Variants in DOCK3 observed in about 807,000 individuals in gnomAD.
DOCK3 encodes dedicator of cytokinesis 3, also known as dedicator of cytokinesis protein 3.
In DOCK3, 60 loss-of-function variants were observed where a neutral mutation model predicts 265.6. The ratio of observed to expected loss-of-function variants is 0.23; its 90% CI spans 0.18 to 0.28. The LOEUF (loss-of-function observed/expected upper bound fraction) is 0.28. DOCK3 is among the 10% of genes least tolerant of loss of function. The probability of loss-of-function intolerance (pLI) is 1.00; values close to 1 mark genes in which losing one functional copy is unlikely to be tolerated. For missense variants in DOCK3, 1,981 were observed against 2,594.3 expected, an observed-to-expected ratio of 0.76 and a Z score of 5.14; for synonymous variants, 881 against 938.0, an observed-to-expected ratio of 0.94 and a Z score of 1.11.
intron 1 of DOCK3, among the ~76,000 whole-genome samples, chr3:50,734,476 T>G (rs190932240): frequency 2.4e-3 from 366 of 152,280 alleles, no homozygotes; most frequent in Non-Finnish European, 4.0e-3. Context: ...CACTCCAGCC[T>G]GGGCAACAGA....
intron 27 of DOCK3, among the ~76,000 whole-genome samples, chr3:51,291,936 G>A (rs986857643): frequency 6.6e-6 from 1 of 152,068 alleles, no homozygotes; most frequent in African/African-American, 2.4e-5. Context: ...TACAAGGTTG[G>A]TTCAACATAC....
At chr3:51,087,438 T>C (rs549560170) in intron 7 of DOCK3, among the ~76,000 whole-genome samples, 1 of 152,282 alleles carries the variant, frequency 6.6e-6, no homozygotes, top group African/African-American at 2.4e-5. Flanking sequence ...TTTAACATCT[T>C]TTCCTGTTAA....
chr3:50,866,474 A>G (rs1245372955), intron 3 of DOCK3, among the ~76,000 whole-genome samples: 4 of 81,098 alleles, frequency 4.9e-5, no homozygotes, highest in Admixed American at 4.7e-4. Flanking sequence ...ACAAAGCGAG[A>G]CTCTTTTTTT....
At chr3:50,681,356 G>A (rs1339405111) in intron 1 of DOCK3, among the ~76,000 whole-genome samples, 1 of 151,992 alleles carries the variant, frequency 6.6e-6, no homozygotes, top group East Asian at 1.9e-4. Flanking sequence ...TTTGTATTTT[G>A]AATTTTTTAA....
At chr3:51,242,444 C>G (rs566329667) in intron 21 of DOCK3, among the ~76,000 whole-genome samples, 7 of 152,278 alleles carry the variant, frequency 4.6e-5, no homozygotes, top group African/African-American at 1.7e-4. Context: ...GCAGAGTCAC[C>G]TGTGGCAGAG....
intron 1 of DOCK3, chr3:50,719,642 A>T: frequency 1.3e-6 from 2 of 1,569,810 alleles, no homozygotes; most frequent in Admixed American, 3.3e-5. Context: ...TGCAGATGAA[A>T]AACTGGGAAC....
At chr3:50,726,388 A>C (rs1213918866) in intron 1 of DOCK3, among the ~76,000 whole-genome samples, 1 of 152,180 alleles carries the variant, frequency 6.6e-6, no homozygotes, top group Non-Finnish European at 1.5e-5. Context: ...AGGACTTTGT[A>C]AAGTGTATAT....
At chr3:51,109,362 A>G (rs4927983) in intron 9 of DOCK3, among the ~76,000 whole-genome samples, 137,111 of 152,148 alleles carry the variant, frequency 0.9, 61,976 homozygotes, top group African/African-American at 0.95. Flanking sequence ...TCTCTGGAAC[A>G]CAGCTAAGAC....
At chr3:50,723,368 A>G (rs966926750) in intron 1 of DOCK3, among the ~76,000 whole-genome samples, 7 of 152,216 alleles carry the variant, frequency 4.6e-5, no homozygotes, top group Non-Finnish European at 8.8e-5. Flanking sequence ...AATAAAAGAA[A>G]TAATTCAAAA....
chr3:50,928,758 A>G (rs1453429801), intron 4 of DOCK3, among the ~76,000 whole-genome samples: 8 of 152,210 alleles, frequency 5.3e-5, no homozygotes, highest in Admixed American at 5.2e-4. Flanking sequence ...TTATCTGAAA[A>G]GAATTTACAG....
intron 1 of DOCK3, among the ~76,000 whole-genome samples, chr3:50,754,619 G>C (rs2040045087): frequency 6.6e-6 from 1 of 150,576 alleles, no homozygotes; most frequent in African/African-American, 2.5e-5. Flanking sequence ...GGGTGCAATG[G>C]TGTGATCTTG....
chr3:50,970,723 G>A (rs566056044), intron 5 of DOCK3, among the ~76,000 whole-genome samples: 208 of 137,544 alleles, frequency 1.5e-3, no homozygotes, highest in Non-Finnish European at 2.6e-3. Context: ...AGATCTCATT[G>A]AGCCTTTTTT....
chr3:50,788,991 G>A (rs2042331499), intron 2 of DOCK3, among the ~76,000 whole-genome samples: 1 of 151,920 alleles, frequency 6.6e-6, no homozygotes, highest in African/African-American at 2.4e-5. Context: ...ATTTAGTTCT[G>A]CTCTGATCTT....
chr3:50,915,755 G>A (rs2050084878), intron 4 of DOCK3, among the ~76,000 whole-genome samples: 1 of 151,920 alleles, frequency 6.6e-6, no homozygotes, highest in Admixed American at 6.6e-5. Context: ...GATGGCCAAG[G>A]CACTATTTTG....
chr3:50,937,393 G>A (rs941543172), intron 5 of DOCK3, among the ~76,000 whole-genome samples: 6 of 151,866 alleles, frequency 4.0e-5, no homozygotes, highest in African/African-American at 7.3e-5. Flanking sequence ...GGTGGCTCAC[G>A]CCTGTAATCC....
chr3:51,044,223 TATACC>T (rs1289614350), intron 5 of DOCK3, among the ~76,000 whole-genome samples: 9 of 152,310 alleles, frequency 5.9e-5, no homozygotes, highest in South Asian at 2.1e-4. Context: ...GTGGTGCATA[TATACC>T]GTGGAATACT....
At chr3:50,798,443 T>C (rs1484094194) in intron 2 of DOCK3, among the ~76,000 whole-genome samples, 2 of 152,160 alleles carry the variant, frequency 1.3e-5, no homozygotes, top group African/African-American at 4.8e-5. Context: ...AATGAGATCA[T>C]CCCACCTGCA....
intron 32 of DOCK3, among the ~76,000 whole-genome samples, chr3:51,319,333 C>T (rs1445807210): frequency 6.6e-6 from 1 of 150,900 alleles, no homozygotes; most frequent in African/African-American, 2.4e-5. Flanking sequence ...AAAAAAGGAA[C>T]TGTTACTTTT....
chr3:51,251,287 G>C (rs904661024), intron 22 of DOCK3, among the ~76,000 whole-genome samples: 2 of 152,136 alleles, frequency 1.3e-5, no homozygotes, highest in Non-Finnish European at 2.9e-5. Flanking sequence ...ATTTGGGTTG[G>C]TTCCAAGTCT....
Sources: allele counts gnomAD v4.1 joint callset (sites outside exome capture counted in the v4.1 genomes callset), GRCh38; gene constraint gnomAD v4.1.1; transcripts MANE v1.5; gene names NCBI Gene and HGNC (gene_info 2026-07-23, HGNC 2026-07-21).